Variants in DNAH10 observed in about 807,000 individuals in gnomAD.
DNAH10 encodes the protein axonemal beta dynein heavy chain 10.
A neutral mutation model predicts 506.6 loss-of-function variants in DNAH10; 348 were observed. The observed-to-expected ratio is 0.69, with a 90% CI of 0.63 to 0.75. DNAH10 has a LOEUF of 0.75. Ranked by LOEUF, DNAH10 falls within the 30% of genes least tolerant of loss-of-function variation. The probability of loss-of-function intolerance (pLI) is 0.00; values close to 1 mark genes in which losing one functional copy is unlikely to be tolerated. For missense variants in DNAH10, 5,179 were observed against 5,787.1 expected (o/e 0.89, Z 3.41); for synonymous variants, 2,059 against 2,198.6 (o/e 0.94, Z 1.78).
chr12:123,863,053 AAAAGCT>A (rs1166373886), intron 39 of DNAH10, among the ~76,000 whole-genome samples: 1 of 152,210 alleles, frequency 6.6e-6, no homozygotes, highest in Non-Finnish European at 1.5e-5. Context: ...TTTAAAAATA[AAAAGCT>A]AAAAGGAAAA....
chr12:123,851,846 T>G (rs1951189652), intron 35 of DNAH10, among the ~76,000 whole-genome samples: 1 of 152,152 alleles, frequency 6.6e-6, no homozygotes, highest in African/African-American at 2.4e-5. Context: ...GGATCACAGC[T>G]CACTGCAGCC....
intron 19 of DNAH10, 85 bp from the exon 20 acceptor site, chr12:123,813,079 G>A (rs1594091441): frequency 1.1e-6 from 1 of 912,028 alleles, no homozygotes; most frequent in Non-Finnish European, 1.7e-6. Flanking sequence ...TTACTGGCAA[G>A]ACTTATTACT....
chr12:123,901,044 A>C (rs142587030), intron 56 of DNAH10, among the ~76,000 whole-genome samples: 3 of 152,118 alleles, frequency 2.0e-5, no homozygotes, highest in African/African-American at 7.2e-5. Flanking sequence ...AGTGCAAACA[A>C]TCCTCTCTCC....
intron 30 of DNAH10, among the ~76,000 whole-genome samples, chr12:123,843,594 T>TTTAC (rs1382575597): frequency 6.6e-5 from 10 of 152,032 alleles, no homozygotes; most frequent in African/African-American, 2.4e-4. Flanking sequence ...TATTTATTTA[T>TTTAC]TGAGACAGAG....
intron 72 of DNAH10, chr12:123,930,191 CT>C: frequency 1.9e-6 from 1 of 532,504 alleles, no homozygotes; most frequent in East Asian, 3.1e-5. Context: ...CTTCTTACTG[CT>C]TTGGGCCCTA....
At position 123,903,127 on chromosome 12, in the gene DNAH10, G is replaced by T. The variant is rs745396553; in HGVS notation, c.9815+14G>T. The T allele has an allele frequency of 6.3e-7, 1 of 1,598,434 alleles. No homozygotes were observed. Among genetic ancestry groups the T allele is most frequent in the South Asian group, 1.1e-5 (1 of 88,382 alleles). On this transcript the variant is annotated intron_variant, in intron 57 of 78. Coordinates refer to ENST00000673944, the MANE Select transcript of DNAH10 (RefSeq NM_001372106.1). The surrounding 1 kb of genome is among the most constrained non-coding windows in gnomAD (Gnocchi z 4.6). ...GACTGAGATTAGGTAATGCACCTGA[G>T]CCACCATTCTGGGCTTCCATTCCAC...
chr12:123,809,966 C>G (rs1265806940), intron 19 of DNAH10, among the ~76,000 whole-genome samples: 2 of 152,174 alleles, frequency 1.3e-5, no homozygotes, highest in Non-Finnish European at 2.9e-5. Context: ...TGTCCTCTCT[C>G]TCCCGTCACC....
intron 47 of DNAH10, 99 bp from the exon 48 acceptor site, chr12:123,877,636 CT>C: frequency 3.5e-6 from 5 of 1,432,266 alleles, no homozygotes; most frequent in Non-Finnish European, 4.6e-6. Flanking sequence ...CTTTCTATAG[CT>C]TAGTAATAGT....
intron 43 of DNAH10, among the ~76,000 whole-genome samples, chr12:123,869,106 C>T (rs547816269): frequency 9.8e-5 from 15 of 152,340 alleles, no homozygotes; most frequent in African/African-American, 2.9e-4. Flanking sequence ...CTCGAGCATA[C>T]GCTTGACGGT....
chr12:123,891,102 T>C (rs532135026), intron 52 of DNAH10, among the ~76,000 whole-genome samples: 39 of 152,130 alleles, frequency 2.6e-4, no homozygotes, highest in Non-Finnish European at 4.6e-4. Context: ...CCTTCTGAGC[T>C]CTGGGTGGGG....
intron 64 of DNAH10, among the ~76,000 whole-genome samples, chr12:123,918,017 C>A (rs1167623221): frequency 2.0e-5 from 3 of 152,140 alleles, no homozygotes; most frequent in Admixed American, 2.0e-4. Context: ...CTCTTTAAAT[C>A]GAGAGTGATA....
At chr12:123,827,859 C>G (rs1960151080) in intron 25 of DNAH10, among the ~76,000 whole-genome samples, 1 of 152,152 alleles carries the variant, frequency 6.6e-6, no homozygotes, top group Admixed American at 6.5e-5. Flanking sequence ...TCTTAGCCCT[C>G]TTTTCACTGT....
chr12:123,891,573 C>T (rs371962354), intron 52 of DNAH10, among the ~76,000 whole-genome samples: 4 of 151,808 alleles, frequency 2.6e-5, no homozygotes, highest in South Asian at 2.1e-4. Context: ...AGAGGGCAGG[C>T]GGAGCACGGG....
Position 123,871,450 on chromosome 12 carries a change from A to T in DNAH10, c.7640-7A>T. On this transcript the variant is annotated splice_polypyrimidine_tract_variant and splice_region_variant and intron_variant, in intron 44 of 78. Coordinates refer to ENST00000673944, the MANE Select transcript of DNAH10 (RefSeq NM_001372106.1). ...TGAGATGCCCCTGTTCCTAATGTCTACTTTAGTTCACACAGTGGATACCAC... is the reference window on the plus strand; with the variant it reads ...TGAGATGCCCCTGTTCCTAATGTCTTCTTTAGTTCACACAGTGGATACCAC... 6.3e-7 allele frequency: 1 copy of T among 1,585,804 alleles called. No individual in the cohort carries two copies. The highest frequency in any genetic ancestry group is 8.6e-7 in the Non-Finnish European group (1 of 1,164,650).
At position 123,861,284 on chromosome 12, in the gene DNAH10, T is replaced by TTTTG. The variant is rs1243479647; in HGVS notation, c.6908+115_6908+116insTTGT. 6 of 1,327,200 alleles carry TTTTG rather than the reference T, an allele frequency of 4.5e-6. No individual in the cohort carries two copies. In the African/African-American group the frequency reaches 8.8e-5, roughly 20 times the overall value. 82.2% of individuals were successfully genotyped at this position (1,327,200 alleles called of 1,614,324 possible). On this transcript the variant is annotated intron_variant, in intron 39 of 78. Coordinates refer to ENST00000673944, the MANE Select transcript of DNAH10 (RefSeq NM_001372106.1). ...GCTTCATGCTTGGATTTCAACAGAC[T>TTTTG]TAGAGTCCAGTCTTGGAGGCTGTGC... is the stretch of plus-strand genomic sequence containing the variant.
chr12:123,805,043 A>G lies in DNAH10; in HGVS notation c.2987+3A>G. On this transcript the variant is annotated splice_donor_region_variant and intron_variant, in intron 18 of 78. Transcript: ENST00000673944. The stretch of plus-strand genomic sequence containing the variant: ...GTCCTGACAAAGCTCATCCTGAAGT[A>G]AGTTCATCTTGTTGCATGCTTTAAA... 1 of 1,613,994 alleles carries G rather than the reference A, an allele frequency of 6.2e-7. No homozygotes were observed. The highest frequency in any genetic ancestry group is 8.5e-7 in the Non-Finnish European group (1 of 1,179,888).
At chr12:123,869,125 G>T (rs1341677772) in intron 43 of DNAH10, among the ~76,000 whole-genome samples, 1 of 152,122 alleles carries the variant, frequency 6.6e-6, no homozygotes, top group South Asian at 2.1e-4. Context: ...GTGATCTCTG[G>T]CACTGTCATG....
intron 50 of DNAH10, among the ~76,000 whole-genome samples, 172 bp from the exon 51 acceptor site, chr12:123,881,453 T>A (rs1232308323): frequency 2.0e-5 from 3 of 152,244 alleles, no homozygotes. Flanking sequence ...TGTCTTCTTT[T>A]GAGAAGTGTC....
intron 36 of DNAH10, among the ~76,000 whole-genome samples, chr12:123,855,014 A>C (rs962712766): frequency 1.3e-5 from 2 of 152,214 alleles, no homozygotes; most frequent in African/African-American, 4.8e-5. Context: ...TTTCAAAGGA[A>C]ACATCAGGCT....
Sources: allele counts gnomAD v4.1 joint callset (sites outside exome capture counted in the v4.1 genomes callset), GRCh38; gene constraint gnomAD v4.1.1; non-coding constraint Gnocchi (gnomAD v3.1); transcripts MANE v1.5; gene names NCBI Gene and HGNC (gene_info 2026-07-23, HGNC 2026-07-21).